The following PDE1A variants were observed in gnomAD, a reference collection of about 807,000 sequenced individuals.
PDE1A encodes phosphodiesterase 1A.
A neutral mutation model predicts 61.7 loss-of-function variants in PDE1A; 35 were observed. The observed-to-expected ratio is 0.57, with a 90% confidence interval of 0.43 to 0.75. PDE1A has a LOEUF of 0.75. Among genes scored for constraint, PDE1A ranks in the 30% least tolerant of loss-of-function variants. PDE1A has a pLI of 0.00. For synonymous variants in PDE1A, 232 were observed against 213.2 expected (o/e 1.09, Z -0.77); for missense variants, 597 against 630.6 (o/e 0.95, Z 0.57).
chr2:182,167,897 G>C, exon 14 of PDE1A: 1 of 1,067,114 alleles, frequency 9.4e-7, no homozygotes, highest in African/African-American at 1.7e-5. Context: ...GAAAACAGGT[G>C]GACCAAGCTT....
At chr2:182,527,940 G>A (rs1690801660), upstream of PDE1A, among the ~76,000 whole-genome samples, 1 of 152,090 alleles carries the variant, frequency 6.6e-6, no homozygotes, top group Non-Finnish European at 1.5e-5. Context: ...GGCCTCCCCA[G>A]CCATGTGGAA....
intron 2 of PDE1A, among the ~76,000 whole-genome samples, chr2:182,516,552 C>T (rs1471234354): frequency 4.0e-5 from 6 of 151,636 alleles, no homozygotes; most frequent in African/African-American, 1.5e-4. Flanking sequence ...ACCTGGGAGG[C>T]TGAGGTGGGA....
intron 2 of PDE1A, among the ~76,000 whole-genome samples, chr2:182,432,496 C>T (rs1431307828): frequency 6.6e-6 from 1 of 151,976 alleles, no homozygotes; most frequent in African/African-American, 2.4e-5. Flanking sequence ...ACTACCCTCA[C>T]TAAGCTCTGG....
chr2:182,588,573 A>G, the PDE1A span, among the ~76,000 whole-genome samples: 2 of 152,158 alleles, frequency 1.3e-5, no homozygotes, highest in Non-Finnish European at 2.9e-5. Flanking sequence ...CCTTTTTCAT[A>G]TTATCTGTCA....
the PDE1A span, among the ~76,000 whole-genome samples, chr2:182,575,246 A>G: frequency 3.9e-5 from 6 of 152,070 alleles, no homozygotes; most frequent in Non-Finnish European, 8.8e-5. Context: ...GTATGATAAT[A>G]CTAAAAGACA....
exon 8 of PDE1A, chr2:182,206,008 A>T (rs776774203): frequency 1.2e-6 from 2 of 1,612,436 alleles, no homozygotes; most frequent in East Asian, 4.5e-5. Context: ...GATAAGCTGC[A>T]CTCACGTGGT....
At chr2:182,509,589 T>C (rs1312635169) in intron 2 of PDE1A, among the ~76,000 whole-genome samples, 1 of 152,210 alleles carries the variant, frequency 6.6e-6, no homozygotes, top group Non-Finnish European at 1.5e-5. Flanking sequence ...CCAAGTGGTT[T>C]AATATCCTGG....
intron 1 of PDE1A, among the ~76,000 whole-genome samples, chr2:182,329,745 C>T (rs1697281030): frequency 6.6e-6 from 1 of 152,178 alleles, no homozygotes; most frequent in Non-Finnish European, 1.5e-5. Context: ...ACCATCACCA[C>T]TCCAGGGACC....
the PDE1A span, among the ~76,000 whole-genome samples, chr2:182,601,334 T>C: frequency 6.6e-6 from 1 of 152,214 alleles, no homozygotes; most frequent in Non-Finnish European, 1.5e-5. Context: ...TGCAAGCAGC[T>C]TTCCCAACTG....
At chr2:182,218,427 TA>T (rs60847293) in intron 7 of PDE1A, among the ~76,000 whole-genome samples, 110,122 of 151,746 alleles carry the variant, frequency 0.73, 40,206 homozygotes, top group East Asian at 0.91. Context: ...AATAAAAAAT[TA>T]AAAAAACAAG....
upstream of PDE1A, among the ~76,000 whole-genome samples, chr2:182,428,306 T>C (rs1703740806): frequency 1.3e-5 from 2 of 152,138 alleles, no homozygotes; most frequent in South Asian, 4.1e-4. Flanking sequence ...AATGGTACTA[T>C]CATGTTATTT....
chr2:182,239,972 A>G, intron 3 of PDE1A, 138 bp downstream of exon 3: 1 of 639,250 alleles, frequency 1.6e-6, no homozygotes, highest in Non-Finnish European at 2.4e-6. Context: ...AAAGTCCCAA[A>G]TTTGTTCATT....
intron 1 of PDE1A, among the ~76,000 whole-genome samples, chr2:182,381,883 A>C (rs1187412910): frequency 6.6e-6 from 1 of 151,744 alleles, no homozygotes; most frequent in Non-Finnish European, 1.5e-5. Context: ...AACCATTTAG[A>C]TATGTTTTAA....
intron 1 of PDE1A, among the ~76,000 whole-genome samples, chr2:182,286,133 C>A (rs548559097): frequency 8.5e-5 from 13 of 152,174 alleles, no homozygotes; most frequent in Non-Finnish European, 7.4e-5. Flanking sequence ...TCCTTATTTC[C>A]AGACTCAAAT....
intron 1 of PDE1A, among the ~76,000 whole-genome samples, chr2:182,405,549 G>T (rs1702251264): frequency 6.6e-6 from 1 of 151,978 alleles, no homozygotes; most frequent in Non-Finnish European, 1.5e-5. Flanking sequence ...ATCATTTCTG[G>T]CTTTCACTTA....
Position 182,439,785 on chromosome 2 carries a change from T to C in PDE1A, c.101+82491A>G, listed in dbSNP as rs183508368. On this transcript the variant is annotated intron_variant, in intron 2 of 14. Transcript: ENST00000410103. ...AGTTAATTGTTTCTATGGAAATAAA[T>C]ATGAAAGGAAGATATGGGCTAACTG... Among the ~76,000 whole-genome samples, 156 of 152,192 alleles carry C rather than the reference T, an allele frequency of 1.0e-3. 1 individual carries two copies. Among genetic ancestry groups the C allele is most frequent in the Middle Eastern group, 3.4e-3 (1 of 294 alleles).
rs1689695577 is a variant in PDE1A, at chr2:182,510,200, A to G, written c.101+12076T>C. 2.0e-5 allele frequency among the ~76,000 whole-genome samples: 3 copies of G among 152,158 alleles called. No individual in the cohort carries two copies. In the South Asian group the frequency reaches 6.2e-4, roughly 32 times the overall value. ...AATTTGATCTTTTTAAAAAGCTTCA[A>G]GAAAGTATAGCTGAAAGGAGAAACC... On this transcript the variant is annotated intron_variant, in intron 2 of 14. Coordinates refer to the PDE1A transcript ENST00000410103.
chr2:182,377,782 C>T (rs1224895372), intron 1 of PDE1A, among the ~76,000 whole-genome samples: 2 of 151,958 alleles, frequency 1.3e-5, no homozygotes, highest in African/African-American at 4.8e-5. Context: ...GAAAATAAAC[C>T]ACACGTCCAC....
chr2:182,274,966 G>A (rs1693303592), intron 1 of PDE1A, among the ~76,000 whole-genome samples: 2 of 151,952 alleles, frequency 1.3e-5, no homozygotes, highest in Admixed American at 1.3e-4. Context: ...TTAACAATAA[G>A]AATAAAAAAT....
Sources: gnomAD v4.1 joint callset for allele counts (sites outside exome capture counted in the v4.1 genomes callset) on GRCh38, gnomAD v4.1.1 for gene constraint, MANE v1.5 for transcripts, NCBI Gene and HGNC (gene_info 2026-07-23, HGNC 2026-07-21) for gene names.